Variants in DCHS2 observed in about 807,000 individuals in gnomAD.
The protein encoded by DCHS2 is protocadherin-23.
Under a neutral mutation model 182.4 loss-of-function variants are expected in DCHS2, and 142 were observed. The observed-to-expected ratio is 0.78, with a 90% CI of 0.68 to 0.89. The LOEUF (loss-of-function observed/expected upper bound fraction) is 0.89, where lower values mean the gene tolerates loss of function less well. DCHS2 is among the 40% of genes least tolerant of loss of function. The pLI, the probability that DCHS2 is intolerant of heterozygous loss-of-function variation, is 0.00. For missense variants in DCHS2, 4,319 were observed against 4,198.6 expected (o/e 1.03, Z -0.79); for synonymous variants, 1,740 against 1,663.3 (o/e 1.05, Z -1.12).
chr4:154,259,902 A>C (rs1732896685), intron 14 of DCHS2, 146 bp from the exon 15 acceptor site: 1 of 944,140 alleles, frequency 1.1e-6, no homozygotes, highest in Non-Finnish European at 1.5e-6. Context: ...GGCTCACTGC[A>C]ACCTACGCCT....
In DCHS2 at chr4:154,334,924, T is replaced by A. The variant is rs758108308; in HGVS notation, c.2657A>T (p.Tyr886Phe). The A allele has an allele frequency of 7.4e-6, 12 of 1,614,100 alleles. No individual in the cohort carries two copies. Among genetic ancestry groups the A allele is most frequent in the Middle Eastern group, 1.6e-4 (1 of 6,084 alleles). ...GGGACTATCTTCAGGCACATCTTCATAAACTAAGAAAGTGTACTTAGGCCT... is the reference window on the plus strand; with the variant it reads ...GGGACTATCTTCAGGCACATCTTCAAAAACTAAGAAAGTGTACTTAGGCCT... ...FERPKYTFLV[Y>F]EDVPEDSPIG... The change falls in exon 4 of 20, where the codon TAT becomes TTT. Residue 886 changes from tyrosine to phenylalanine, a missense_variant. By Grantham distance (22) the Tyr-to-Phe change is conservative (BLOSUM62 3). Transcript: ENST00000357232.
intron 16 of DCHS2, among the ~76,000 whole-genome samples, chr4:154,243,501 C>T (rs529378185): frequency 1.3e-5 from 2 of 152,286 alleles, no homozygotes; most frequent in South Asian, 2.1e-4. Context: ...TGTATCTTAT[C>T]GGTATTACCT....
intron 1 of DCHS2, among the ~76,000 whole-genome samples, chr4:154,435,522 G>T (rs1244841731): frequency 6.6e-6 from 1 of 151,934 alleles, no homozygotes; most frequent in South Asian, 2.1e-4. Flanking sequence ...TGTGAACCCG[G>T]GAGGCAGAGC....
intron 12 of DCHS2, among the ~76,000 whole-genome samples, chr4:154,303,147 A>G (rs928214541): frequency 2.0e-5 from 3 of 151,758 alleles, no homozygotes; most frequent in African/African-American, 7.3e-5. Flanking sequence ...ACACCCAGCT[A>G]ATTTTTGTAT....
At chr4:154,253,101 G>C (rs529105604) in intron 16 of DCHS2, among the ~76,000 whole-genome samples, 3 of 137,804 alleles carry the variant, frequency 2.2e-5, no homozygotes, top group Non-Finnish European at 3.2e-5. Context: ...TGTGCGGGGT[G>C]GGGGGCGGGG....
At chr4:154,426,770 C>CAGAATAAAAATAAAAATA (rs1553951156) in intron 1 of DCHS2, among the ~76,000 whole-genome samples, 3 of 14,996 alleles carry the variant, frequency 2.0e-4, no homozygotes, top group Admixed American at 6.1e-3. Context: ...TTTGTCTCTA[C>CAGAATAAAAATAAAAATA]AAAATAAAAA....
chr4:154,374,033 A>G, intron 2 of DCHS2: 1 of 1,248,878 alleles, frequency 8.0e-7, no homozygotes, highest in East Asian at 2.4e-5. Context: ...AAACTTGCTT[A>G]TATAACCACC....
At chr4:154,365,693 A>C (rs905927832) in intron 3 of DCHS2, among the ~76,000 whole-genome samples, 9 of 151,566 alleles carry the variant, frequency 5.9e-5, no homozygotes, top group South Asian at 2.1e-4. Flanking sequence ...TCTGTCACCC[A>C]GGCTGGAGGG....
chr4:154,440,846 C>A (rs1239645718), intron 1 of DCHS2, among the ~76,000 whole-genome samples: 2 of 152,182 alleles, frequency 1.3e-5, no homozygotes, highest in Non-Finnish European at 2.9e-5. Context: ...CCCTACACTC[C>A]TTGCCACATA....
intron 9 of DCHS2, among the ~76,000 whole-genome samples, chr4:154,319,889 G>A (rs1274279199): frequency 2.6e-5 from 4 of 152,104 alleles, no homozygotes; most frequent in Non-Finnish European, 5.9e-5. Context: ...ACACACCCAT[G>A]TTTACTGCAG....
chr4:154,333,629 G>A (rs779535748), intron 4 of DCHS2, 135 bp from the exon 5 acceptor site: 36 of 838,954 alleles, frequency 4.3e-5, no homozygotes, highest in Non-Finnish European at 6.1e-5. Flanking sequence ...ATACTATGAT[G>A]GTTCCGTAAG....
intron 1 of DCHS2, among the ~76,000 whole-genome samples, chr4:154,427,541 G>A (rs1165020336): frequency 2.0e-5 from 3 of 152,182 alleles, no homozygotes; most frequent in African/African-American, 4.8e-5. Flanking sequence ...CCCAATTTGC[G>A]AATCATTCTT....
chr4:154,347,476 C>T (rs1482936730), intron 3 of DCHS2, among the ~76,000 whole-genome samples: 1 of 151,496 alleles, frequency 6.6e-6, no homozygotes, highest in Non-Finnish European at 1.5e-5. Context: ...AAGAATCAGA[C>T]TAATACCATT....
chr4:154,322,548 CAATT>C, intron 7 of DCHS2, 60 bp from the exon 8 acceptor site: 1 of 1,509,312 alleles, frequency 6.6e-7, no homozygotes, highest in South Asian at 1.4e-5. Flanking sequence ...AACAGAAAAT[CAATT>C]AATCCAATAT....
At chr4:154,323,025 G>C (rs752805839) in intron 7 of DCHS2, 1 of 603,588 alleles carries the variant, frequency 1.7e-6, no homozygotes, top group Non-Finnish European at 2.7e-6. Flanking sequence ...TCAAAATAAA[G>C]TCCATATATT....
At chr4:154,431,465 T>C (rs1054752872) in intron 1 of DCHS2, among the ~76,000 whole-genome samples, 5 of 152,204 alleles carry the variant, frequency 3.3e-5, no homozygotes, top group African/African-American at 9.6e-5. Context: ...ACATCTTTTG[T>C]TAGATATATT....
intron 1 of DCHS2, among the ~76,000 whole-genome samples, chr4:154,461,768 T>C (rs533445689): frequency 9.9e-5 from 15 of 152,166 alleles, no homozygotes; most frequent in Admixed American, 2.0e-4. Context: ...CTGCAGCACA[T>C]AGATCCTTAA....
chr4:154,393,606 A>C (rs2130714), intron 1 of DCHS2, among the ~76,000 whole-genome samples: 1 of 151,938 alleles, frequency 6.6e-6, no homozygotes, highest in Non-Finnish European at 1.5e-5. Context: ...AGGATTTTCC[A>C]GCCAAGGTAC....
At chr4:154,293,989 A>T (rs762023786) in intron 13 of DCHS2, among the ~76,000 whole-genome samples, 3 of 152,018 alleles carry the variant, frequency 2.0e-5, no homozygotes, top group Non-Finnish European at 2.9e-5. Context: ...ATTTGTGCAT[A>T]TATATGCCTT....
Sources: allele counts gnomAD v4.1 joint callset (sites outside exome capture counted in the v4.1 genomes callset), GRCh38; gene constraint gnomAD v4.1.1; transcripts MANE v1.5; gene names NCBI Gene and HGNC (gene_info 2026-07-23, HGNC 2026-07-21).